THEMIS: variants seen among roughly 807,000 people sequenced by gnomAD.
THEMIS encodes the protein protein THEMIS.
In THEMIS, 37 loss-of-function variants were observed where a neutral mutation model predicts 52.6. That is an observed-to-expected ratio of 0.70 (90% CI 0.54 to 0.93). The LOEUF is 0.93. Among genes scored for constraint, THEMIS ranks in the 40% least tolerant of loss-of-function variants. The probability of loss-of-function intolerance (pLI) is 0.00; values close to 1 mark genes in which losing one functional copy is unlikely to be tolerated. For missense variants in THEMIS, 808 were observed against 763.1 expected, an observed-to-expected ratio of 1.06 and a Z score of -0.69; for synonymous variants, 292 against 272.7, an observed-to-expected ratio of 1.07 and a Z score of -0.70.
intron 4 of THEMIS, among the ~76,000 whole-genome samples, chr6:127,725,434 G>A (rs1774507767): frequency 6.6e-6 from 1 of 151,742 alleles, no homozygotes; most frequent in Non-Finnish European, 1.5e-5. Flanking sequence ...CTCCTACTGT[G>A]TGTGTGTGTG....
intron 4 of THEMIS, among the ~76,000 whole-genome samples, chr6:127,755,127 G>A (rs1210221207): frequency 6.6e-6 from 1 of 152,022 alleles, no homozygotes; most frequent in Non-Finnish European, 1.5e-5. Flanking sequence ...AAAACCGCCA[G>A]CATCTACAGA....
chr6:127,707,392 G>A (rs1332312421), downstream of THEMIS, among the ~76,000 whole-genome samples: 2 of 152,132 alleles, frequency 1.3e-5, no homozygotes, highest in Non-Finnish European at 2.9e-5. Flanking sequence ...GAATGAGGTA[G>A]GACATGACTG....
chr6:127,842,593 C>T (rs143886318), intron 2 of THEMIS, among the ~76,000 whole-genome samples: 6 of 151,938 alleles, frequency 3.9e-5, no homozygotes, highest in African/African-American at 1.2e-4. Context: ...CATTTCTATA[C>T]GCCTTGGGAG....
At position 127,855,020 on chromosome 6, in the gene THEMIS, T is replaced by C. The variant is rs373600766; in HGVS notation, c.250+10A>G. The C allele has an allele frequency of 3.0e-5, 48 of 1,583,148 alleles. No homozygotes were observed. The highest frequency in any genetic ancestry group is 3.9e-5 in the Non-Finnish European group (46 of 1,168,674). ...TTGTACAAATGATAAGTGGTTGCAA[T>C]GTGCTGTACCTGGAAAATTCATAGG... On this transcript the variant is annotated intron_variant, in intron 2 of 5. Transcript: ENST00000368248.
intron 4 of THEMIS, among the ~76,000 whole-genome samples, chr6:127,770,013 G>A (rs543235722): frequency 3.3e-5 from 5 of 152,136 alleles, no homozygotes; most frequent in Non-Finnish European, 5.9e-5. Flanking sequence ...TTCTTAATCC[G>A]GTCTATCATT....
rs183064269 is a variant in THEMIS at position 127,880,599 on chromosome 6, C to G, written c.91+20243G>C. On this transcript the variant is annotated intron_variant, in intron 1 of 5. Transcript: ENST00000368248. ...AAAAAAAAAAAAAAAGCACTTTGGT[C>G]TGTGGTTAGAAGGTTAGAATTCACA... Among the ~76,000 whole-genome samples, 450 of 141,138 alleles carry G rather than the reference C, an allele frequency of 3.2e-3. 1 individual carries two copies. Among genetic ancestry groups the G allele is most frequent in the African/African-American group, 0.011 (421 of 38,356 alleles). The allele number at this position is 141,138 out of a possible 152,430, so 92.6% of individuals were successfully genotyped here.
At chr6:127,717,808 CT>C (rs772738003) in intron 5 of THEMIS, among the ~76,000 whole-genome samples, 47 of 143,028 alleles carry the variant, frequency 3.3e-4, no homozygotes, top group Admixed American at 1.3e-3. Flanking sequence ...AGCAGCACCC[CT>C]ATCTTAATTA....
chr6:127,846,182 A>G lies in THEMIS; in HGVS notation c.250+8848T>C, dbSNP rs140849296. Among the ~76,000 whole-genome samples the G allele has an allele frequency of 3.3e-4, 50 of 150,280 alleles. No homozygotes were observed. In the East Asian group the frequency reaches 8.6e-3, roughly 26 times the overall value. On this transcript the variant is annotated intron_variant, in intron 2 of 5. Transcript: ENST00000368248. ...ACATGATGGAGAATGCAGACTTTAC[A>G]GATTTAGTTCAGAAAATTCACTAAA... is the stretch of plus-strand genomic sequence containing the variant.
chr6:127,880,721 T>C (rs1780459085), intron 1 of THEMIS, among the ~76,000 whole-genome samples: 1 of 152,128 alleles, frequency 6.6e-6, no homozygotes, highest in Non-Finnish European at 1.5e-5. Flanking sequence ...TCTTGAGTCC[T>C]ATCTATTTTT....
At chr6:127,878,054 C>A (rs771222957) in intron 1 of THEMIS, among the ~76,000 whole-genome samples, 2 of 152,140 alleles carry the variant, frequency 1.3e-5, no homozygotes, top group Non-Finnish European at 2.9e-5. Context: ...AAACAACTAC[C>A]GCAAATATCA....
chr6:127,865,646 A>C (rs1237990444), intron 1 of THEMIS, among the ~76,000 whole-genome samples: 1 of 152,148 alleles, frequency 6.6e-6, no homozygotes, highest in Non-Finnish European at 1.5e-5. Flanking sequence ...TAATATAAAC[A>C]ATTATTTTCC....
intron 4 of THEMIS, among the ~76,000 whole-genome samples, chr6:127,774,527 G>A (rs1036832848): frequency 3.3e-5 from 5 of 152,072 alleles, no homozygotes; most frequent in Non-Finnish European, 5.9e-5. Context: ...GCCTTCTTAC[G>A]GCTTACACCA....
chr6:127,794,580 C>T (rs1354138761), intron 4 of THEMIS, among the ~76,000 whole-genome samples: 1 of 152,152 alleles, frequency 6.6e-6, no homozygotes, highest in African/African-American at 2.4e-5. Flanking sequence ...TGGGACTGTG[C>T]CACTATGCCT....
chr6:127,750,486 C>T (rs1182965194), intron 4 of THEMIS, among the ~76,000 whole-genome samples: 1 of 151,692 alleles, frequency 6.6e-6, no homozygotes, highest in East Asian at 1.9e-4. Context: ...TTAATCCATG[C>T]CTGATCATAA....
chr6:127,800,258 T>C (rs1777487219), intron 4 of THEMIS, among the ~76,000 whole-genome samples: 1 of 152,324 alleles, frequency 6.6e-6, no homozygotes, highest in Non-Finnish European at 1.5e-5. Context: ...TCTTATATTT[T>C]AGATTTTTTA....
upstream of THEMIS, among the ~76,000 whole-genome samples, chr6:127,901,512 T>G (rs753002156): frequency 3.9e-5 from 6 of 152,200 alleles, no homozygotes; most frequent in Non-Finnish European, 8.8e-5. Flanking sequence ...GATACTATAC[T>G]CTGGAGAGAG....
At chr6:127,732,816 T>C (rs1431370219) in intron 4 of THEMIS, among the ~76,000 whole-genome samples, 2 of 152,248 alleles carry the variant, frequency 1.3e-5, no homozygotes, top group Admixed American at 1.3e-4. Flanking sequence ...CCTGTTCATG[T>C]CTTTTTGTGC....
chr6:127,764,641 T>C (rs1401574039), intron 4 of THEMIS, among the ~76,000 whole-genome samples: 1 of 152,042 alleles, frequency 6.6e-6, no homozygotes, highest in Non-Finnish European at 1.5e-5. Flanking sequence ...GGTATTACCC[T>C]AAAGCACTGG....
intron 1 of THEMIS, among the ~76,000 whole-genome samples, chr6:127,910,300 T>A (rs1397705162): frequency 2.6e-5 from 4 of 152,148 alleles, no homozygotes; most frequent in African/African-American, 9.6e-5. Flanking sequence ...ACAAGCCTCA[T>A]CATTTTGTAA....
Sources: allele counts gnomAD v4.1 joint callset (sites outside exome capture counted in the v4.1 genomes callset), GRCh38; gene constraint gnomAD v4.1.1; transcripts MANE v1.5; gene names NCBI Gene and HGNC (gene_info 2026-07-23, HGNC 2026-07-21).